WBP1L: variants seen among roughly 807,000 people sequenced by gnomAD.
The protein encoded by WBP1L is WW domain binding protein 1 like, also known as WW domain binding protein 1-like.
A neutral mutation model predicts 33.7 loss-of-function variants in WBP1L; 17 were observed. That is an observed-to-expected ratio of 0.50 (90% CI 0.34 to 0.76). WBP1L has a LOEUF of 0.76. Among genes scored for constraint, WBP1L ranks in the 30% least tolerant of loss-of-function variants. WBP1L has a pLI of 0.01. For missense variants in WBP1L, 389 were observed against 469.4 expected (o/e 0.83, Z 1.58); for synonymous variants, 173 against 190.8 (o/e 0.91, Z 0.77).
intron 1 of WBP1L, among the ~76,000 whole-genome samples, chr10:102,750,933 C>G (rs1314465313): frequency 6.6e-6 from 1 of 152,140 alleles, no homozygotes; most frequent in Non-Finnish European, 1.5e-5. Context: ...TTTGCCTGTT[C>G]TAGACATTTC....
chr10:102,798,525 A>G (rs760821641), intron 2 of WBP1L, among the ~76,000 whole-genome samples: 6 of 152,018 alleles, frequency 3.9e-5, no homozygotes, highest in Non-Finnish European at 8.8e-5. Context: ...CCCGAGTTCA[A>G]CTGATTCTCC....
chr10:102,774,911 C>G (rs1336565290), intron 1 of WBP1L, among the ~76,000 whole-genome samples: 1 of 151,912 alleles, frequency 6.6e-6, no homozygotes, highest in African/African-American at 2.4e-5. Context: ...CCCAGGAGTT[C>G]AAGACCAGCC....
At chr10:102,810,989 C>T (rs576564106) in intron 3 of WBP1L, among the ~76,000 whole-genome samples, 2 of 149,596 alleles carry the variant, frequency 1.3e-5, no homozygotes, top group South Asian at 2.2e-4. Flanking sequence ...TTCATTCATC[C>T]ATCTCTCTCT....
At chr10:102,751,545 C>T (rs935614796) in intron 1 of WBP1L, among the ~76,000 whole-genome samples, 4 of 152,116 alleles carry the variant, frequency 2.6e-5, no homozygotes, top group Non-Finnish European at 4.4e-5. Flanking sequence ...TGGGCACAAG[C>T]GATCTGCTCG....
intron 2 of WBP1L, among the ~76,000 whole-genome samples, chr10:102,807,725 C>CT (rs924111987): frequency 6.6e-6 from 1 of 151,752 alleles, no homozygotes; most frequent in Non-Finnish European, 1.5e-5. Flanking sequence ...TTGTCATCTG[C>CT]TTTTTTTCAT....
chr10:102,787,462 C>T (rs1457328385), intron 1 of WBP1L, among the ~76,000 whole-genome samples: 1 of 152,106 alleles, frequency 6.6e-6, no homozygotes, highest in Admixed American at 6.6e-5. Flanking sequence ...GTGGCGTATG[C>T]CTGTGGTCCT....
At chr10:102,804,580 G>C (rs905243489) in intron 2 of WBP1L, among the ~76,000 whole-genome samples, 2 of 152,072 alleles carry the variant, frequency 1.3e-5, no homozygotes, top group Admixed American at 6.5e-5. Flanking sequence ...GAACAAGCAA[G>C]TCCAAAATCC....
intron 1 of WBP1L, among the ~76,000 whole-genome samples, chr10:102,766,535 T>C (rs530217134): frequency 1.3e-5 from 2 of 151,644 alleles, no homozygotes; most frequent in African/African-American, 2.4e-5. Flanking sequence ...GGTGGGAGGA[T>C]TGCTTGTGCC....
chr10:102,757,569 C>CTTT (rs60213859), intron 1 of WBP1L, among the ~76,000 whole-genome samples: 3,886 of 88,752 alleles, frequency 0.044, 207 homozygotes, highest in African/African-American at 0.066. Context: ...GTTTCTGAGC[C>CTTT]TTTTTTTTTT....
At chr10:102,791,390 A>G (rs1422779191) in intron 1 of WBP1L, among the ~76,000 whole-genome samples, 1 of 152,076 alleles carries the variant, frequency 6.6e-6, no homozygotes. Context: ...CACCCCCCGA[A>G]TCTCTTGCTT....
At position 102,815,531 on chromosome 10, in the gene WBP1L, T is replaced by C. The variant is rs1356480814; in HGVS notation, c.*2200T>C. On this transcript the variant is annotated 3_prime_UTR_variant, in exon 4 of 4. Transcript: ENST00000448841. ...GCCCAGAATTGCCAGGAGGAGGCTT[T>C]GCAGGCTCTAGAGGAGCCGCAGGGC... The C allele has an allele frequency of 1.3e-5, 2 of 152,256 alleles. No homozygotes were observed. The highest frequency in any genetic ancestry group is 4.8e-5 in the African/African-American group (2 of 41,468). 9.4% of individuals were successfully genotyped at this position (152,256 alleles called of 1,614,324 possible). A position where few individuals can be genotyped will look rare whatever the true frequency, so the allele number is the denominator to read the frequency against.
In WBP1L at chr10:102,753,693, G is replaced by A. The variant is rs976855558; in HGVS notation, c.90+9550G>A. ...TTTTTCTTCTGCTCCTGGTGCTGTC[G>A]TCTTCACAGTGCCAAAGCTAAGTTT... On this transcript the variant is annotated intron_variant, in intron 1 of 3. Transcript: ENST00000448841. Among the ~76,000 whole-genome samples, 9 of 152,128 alleles carry A rather than the reference G, an allele frequency of 5.9e-5. No individual in the cohort carries two copies. The East Asian group carries it at 1.5e-3, about 26-fold the overall frequency.
chr10:102,747,380 A>AG (rs1353198850), intron 1 of WBP1L, among the ~76,000 whole-genome samples: 1 of 146,480 alleles, frequency 6.8e-6, no homozygotes, highest in Non-Finnish European at 1.5e-5. Flanking sequence ...AAAAAAAAAA[A>AG]GAATGAGAAA....
At chr10:102,746,056 G>A in intron 1 of WBP1L, 1 of 790,450 alleles carries the variant, frequency 1.3e-6, no homozygotes, top group Non-Finnish European at 1.5e-6. Context: ...TAGAGGTTTG[G>A]TTTAGGAATG....
intron 1 of WBP1L, among the ~76,000 whole-genome samples, chr10:102,795,663 G>C (rs759707703): frequency 4.6e-5 from 7 of 152,256 alleles, no homozygotes; most frequent in Non-Finnish European, 7.3e-5. Context: ...TGAGACAGAA[G>C]TGTCATTGGA....
chr10:102,804,424 A>ATTTTTT (rs748529817), intron 2 of WBP1L, among the ~76,000 whole-genome samples: 166 of 140,028 alleles, frequency 1.2e-3, no homozygotes, highest in African/African-American at 4.0e-3. Flanking sequence ...TTTTTTAAAA[A>ATTTTTT]AAAAATTATA....
intron 1 of WBP1L, among the ~76,000 whole-genome samples, chr10:102,789,687 C>T (rs1590184194): frequency 6.6e-6 from 1 of 151,780 alleles, no homozygotes; most frequent in Admixed American, 6.6e-5. Context: ...GCCTTTGTCA[C>T]TCTGCAGTTT....
rs79962747 is a variant in WBP1L at position 102,774,514 on chromosome 10, C to T, written c.91-23479C>T. On this transcript the variant is annotated intron_variant, in intron 1 of 3. Transcript: ENST00000448841. Reference sequence around the variant, plus strand: ...ACATTCATTTTCTTGTCAGGAAAGTCAATGTGACCTTGACCATCATTGGGG... The same window carrying T: ...ACATTCATTTTCTTGTCAGGAAAGTTAATGTGACCTTGACCATCATTGGGG... Among the ~76,000 whole-genome samples the T allele has an allele frequency of 2.5e-3, 379 of 152,300 alleles. 2 individuals carry two copies. The highest frequency in any genetic ancestry group is 3.0e-3 in the Non-Finnish European group (204 of 68,034).
In WBP1L at chr10:102,813,465, C is replaced by A; in HGVS notation, c.*134C>A. Reference sequence around the variant, plus strand: ...TTCCTTTTTGTTTGTTTTCCTTCTCCTCTCCTGCATTTTCCTCCATCTCCA... The same window carrying A: ...TTCCTTTTTGTTTGTTTTCCTTCTCATCTCCTGCATTTTCCTCCATCTCCA... On this transcript the variant is annotated 3_prime_UTR_variant, in exon 4 of 4. Coordinates refer to ENST00000448841, the MANE Select transcript of WBP1L (RefSeq NM_001083913.2). 8.1e-7 allele frequency: 1 copy of A among 1,238,228 alleles called. No homozygotes were observed. Among genetic ancestry groups the A allele is most frequent in the Non-Finnish European group, 1.1e-6 (1 of 918,770 alleles). The allele number at this position is 1,238,228 out of a possible 1,614,324, so 76.7% of individuals were successfully genotyped here. A position where few individuals can be genotyped will look rare whatever the true frequency, so the allele number is the denominator to read the frequency against.
Sources: gnomAD v4.1 joint callset for allele counts (sites outside exome capture counted in the v4.1 genomes callset) on GRCh38, gnomAD v4.1.1 for gene constraint, MANE v1.5 for transcripts, NCBI Gene and HGNC (gene_info 2026-07-23, HGNC 2026-07-21) for gene names.